Variants in PPP1R12B observed in about 807,000 individuals in gnomAD.
PPP1R12B encodes protein phosphatase 1 regulatory subunit 12B, also known as myosin phosphatase target subunit 2.
PPP1R12B carries 76 observed loss-of-function variants against 126.1 expected under a neutral mutation model. That is an observed-to-expected ratio of 0.60 (90% CI 0.50 to 0.73). The LOEUF is 0.73. Ranked by LOEUF, PPP1R12B falls within the 30% of genes least tolerant of loss-of-function variation. PPP1R12B has a pLI of 0.00. For missense variants in PPP1R12B, 1,052 were observed against 1,205.1 expected (o/e 0.87, Z 1.88); for synonymous variants, 356 against 434.7 (o/e 0.82, Z 2.25).
rs569694122 is a variant in PPP1R12B, at chr1:202,451,673, G to A, written c.1850+2502G>A. On this transcript the variant is annotated intron_variant, in intron 13 of 23. Coordinates refer to ENST00000608999, the MANE Select transcript of PPP1R12B (RefSeq NM_002481.4). ...CCATTGTCATCATGGCCCGTTCTCA[G>A]TGAGCTGTTGGGTACACCTCCCAGA... is the stretch of plus-strand genomic sequence containing the variant. Among the ~76,000 whole-genome samples the A allele has an allele frequency of 4.8e-3, 733 of 152,118 alleles. 8 individuals carry two copies. The highest frequency in any genetic ancestry group is 5.1e-3 in the Non-Finnish European group (345 of 67,996).
intron 18 of PPP1R12B, among the ~76,000 whole-genome samples, chr1:202,533,108 A>T (rs1242834155): frequency 6.6e-6 from 1 of 152,082 alleles, no homozygotes; most frequent in Admixed American, 6.5e-5. Context: ...ACCTCAGGTG[A>T]TCTGCCCGCC....
chr1:202,438,827 G>A (rs549988089), intron 10 of PPP1R12B: 3 of 915,670 alleles, frequency 3.3e-6, no homozygotes, highest in East Asian at 4.8e-5. Flanking sequence ...TCACGGACGT[G>A]GGGGAGACGG....
chr1:202,468,836 C>A (rs933614283), intron 13 of PPP1R12B, among the ~76,000 whole-genome samples: 3 of 152,016 alleles, frequency 2.0e-5, no homozygotes, highest in African/African-American at 7.3e-5. Flanking sequence ...TGCCTGTAGT[C>A]CTAGCTACTT....
At chr1:202,376,779 T>TA (rs1386589222) in intron 1 of PPP1R12B, among the ~76,000 whole-genome samples, 1 of 152,154 alleles carries the variant, frequency 6.6e-6, no homozygotes, top group Non-Finnish European at 1.5e-5. Flanking sequence ...GATAGTGCAC[T>TA]AACCAGAGTT....
At chr1:202,422,011 G>A (rs1328463023) in intron 2 of PPP1R12B, among the ~76,000 whole-genome samples, 1 of 152,106 alleles carries the variant, frequency 6.6e-6, no homozygotes, top group Admixed American at 6.5e-5. Context: ...TTATGTGAAA[G>A]CACTCTGAAA....
At chr1:202,558,965 T>A in intron 19 of PPP1R12B, 72 bp downstream of exon 19, 1 of 1,418,956 alleles carries the variant, frequency 7.0e-7, no homozygotes, top group Non-Finnish European at 9.5e-7. Context: ...AAACTTAGCT[T>A]TATATAATAA....
At chr1:202,518,387 A>G (rs1682391554) in intron 18 of PPP1R12B, among the ~76,000 whole-genome samples, 1 of 152,236 alleles carries the variant, frequency 6.6e-6, no homozygotes, top group African/African-American at 2.4e-5. Flanking sequence ...CATCTAATGG[A>G]ACACTATGAA....
At chr1:202,558,731 T>A in intron 18 of PPP1R12B, 146 bp from the exon 19 acceptor site, 1 of 568,824 alleles carries the variant, frequency 1.8e-6, no homozygotes, top group African/African-American at 1.9e-5. Context: ...TTTTCTTAAA[T>A]GGCACCCCCA....
At chr1:202,364,790 A>T (rs1658880603) in intron 1 of PPP1R12B, among the ~76,000 whole-genome samples, 1 of 151,992 alleles carries the variant, frequency 6.6e-6, no homozygotes, top group African/African-American at 2.4e-5. Context: ...GTTAGCCAGG[A>T]TGATCTCGAT....
chr1:202,451,852 C>A (rs374746744), intron 13 of PPP1R12B, among the ~76,000 whole-genome samples: 1 of 151,676 alleles, frequency 6.6e-6, no homozygotes, highest in Non-Finnish European at 1.5e-5. Flanking sequence ...GGGGCTGACC[C>A]CCACCTCCCT....
intron 18 of PPP1R12B, among the ~76,000 whole-genome samples, chr1:202,522,829 C>G (rs1202276099): frequency 2.6e-5 from 4 of 152,124 alleles, no homozygotes; most frequent in Admixed American, 1.3e-4. Flanking sequence ...ATATGTCTCA[C>G]TTATAAATAA....
intron 23 of PPP1R12B, chr1:202,575,109 C>G: frequency 6.2e-7 from 1 of 1,613,792 alleles, no homozygotes; most frequent in Non-Finnish European, 8.5e-7. Flanking sequence ...CGGAGTCCAT[C>G]GAGTCCTCGG....
intron 5 of PPP1R12B, among the ~76,000 whole-genome samples, chr1:202,427,690 G>A (rs1234172901): frequency 2.0e-5 from 3 of 152,114 alleles, no homozygotes; most frequent in Non-Finnish European, 4.4e-5. Flanking sequence ...TGTTGCCCAG[G>A]CTGGAGTGCA....
intron 19 of PPP1R12B, among the ~76,000 whole-genome samples, chr1:202,561,000 CTT>C (rs1317878503): frequency 3.3e-5 from 5 of 151,032 alleles, no homozygotes; most frequent in Non-Finnish European, 4.4e-5. Context: ...TACCCTAAAA[CTT>C]AAAGTATAAT....
At chr1:202,426,724 T>C (rs757104743) in intron 4 of PPP1R12B, among the ~76,000 whole-genome samples, 1 of 152,250 alleles carries the variant, frequency 6.6e-6, no homozygotes, top group Admixed American at 6.5e-5. Flanking sequence ...AACAGAGTTA[T>C]GTGATTTGGC....
At chr1:202,437,695 T>C (rs1671013542) in intron 9 of PPP1R12B, 126 bp from the exon 10 acceptor site, 2 of 797,928 alleles carry the variant, frequency 2.5e-6, no homozygotes, top group Admixed American at 2.9e-5. Flanking sequence ...GACTGCCATG[T>C]ATTTGTTCTT....
chr1:202,506,445 C>T (rs1441944914), intron 18 of PPP1R12B, among the ~76,000 whole-genome samples: 1 of 152,182 alleles, frequency 6.6e-6, no homozygotes, highest in Non-Finnish European at 1.5e-5. Context: ...TCCTTTGAGA[C>T]CCTGTAATTT....
At chr1:202,499,502 G>A (rs1379625714) in intron 18 of PPP1R12B, among the ~76,000 whole-genome samples, 1 of 152,128 alleles carries the variant, frequency 6.6e-6, no homozygotes, top group Non-Finnish European at 1.5e-5. Flanking sequence ...CAGTCCTCCT[G>A]CCTTGGCCTC....
chr1:202,414,686 T>G (rs1667833436), intron 1 of PPP1R12B, among the ~76,000 whole-genome samples: 1 of 152,262 alleles, frequency 6.6e-6, no homozygotes, highest in Non-Finnish European at 1.5e-5. Context: ...TCATAATTTG[T>G]TGGTTATTCT....
Sources: gnomAD v4.1 joint callset for allele counts (sites outside exome capture counted in the v4.1 genomes callset) on GRCh38, gnomAD v4.1.1 for gene constraint, MANE v1.5 for transcripts, NCBI Gene and HGNC (gene_info 2026-07-23, HGNC 2026-07-21) for gene names.